The following ARPC3 variants were observed in gnomAD, a reference collection of about 807,000 sequenced individuals.
ARPC3 encodes actin-related protein 2/3 complex subunit 3.
A neutral mutation model predicts 27.6 loss-of-function variants in ARPC3; 12 were observed. The observed-to-expected ratio is 0.43, with a 90% confidence interval of 0.28 to 0.70. The LOEUF is 0.70. Ranked by LOEUF, ARPC3 falls within the 30% of genes least tolerant of loss-of-function variation. The pLI, the probability that ARPC3 is intolerant of heterozygous loss-of-function variation, is 0.17. For synonymous variants in ARPC3, 53 were observed against 67.2 expected (o/e 0.79, Z 1.03); for missense variants, 153 against 207.7 (o/e 0.74, Z 1.62).
chr12:110,436,523 G>A, intron 5 of ARPC3, 34 bp downstream of exon 5: 1 of 1,613,360 alleles, frequency 6.2e-7, no homozygotes, highest in South Asian at 1.1e-5. Flanking sequence ...AAATCTTCTT[G>A]TGTCACAGAG....
In ARPC3 at chr12:110,436,699, T is replaced by TATATATATATACACACACACACACA; in HGVS notation, c.253-17_253-16insTGTGTGTGTGTGTGTATATATATAT. The TATATATATATACACACACACACACA allele has an allele frequency of 1.6e-6, 1 of 633,902 alleles. No individual in the cohort carries two copies. Among genetic ancestry groups the TATATATATATACACACACACACACA allele is most frequent in the Non-Finnish European group, 2.5e-6 (1 of 403,988 alleles). The allele number at this position is 633,902 out of a possible 1,614,324, so 39.3% of individuals were successfully genotyped here. On this transcript the variant is annotated splice_polypyrimidine_tract_variant and intron_variant, in intron 4 of 6. Transcript: ENST00000228825. ...TGGAATTGCACTGGAAAAAAAAATA[T>TATATATATATACACACACACACACA]ATATATATATATACACACACACACA...
chr12:110,436,176 T>A lies in ARPC3; in HGVS notation c.408A>T (p.Leu136=), dbSNP rs746040046. The A allele has an allele frequency of 1.9e-6, 3 of 1,613,742 alleles. No individual in the cohort carries two copies. In the East Asian group the frequency reaches 6.7e-5, roughly 36 times the overall value. ...DEVMRAYLQQ[L]RQETGLRLCE... The stretch of plus-strand genomic sequence containing the variant: ...AAAGTCTCAGTCCAGTCTCTTGCCT[T>A]AGCTGTTGTAAATAGGCTCTCATCA... Residue 136 remains leucine, a synonymous_variant, in exon 6 of 7, where the codon CTA becomes CTT. Coordinates refer to ENST00000228825, the MANE Select transcript of ARPC3 (RefSeq NM_001278556.2).
At position 110,450,300 on chromosome 12, in the gene ARPC3, CAG is replaced by C; in HGVS notation, c.-42_-41del. ...GGTTTCAACCCAGAGGAGCAGGATC[CAG>C]GTACAGCGGAGCGCTTCCGGTCTGG... On this transcript the variant is annotated 5_prime_UTR_variant, in exon 1 of 7. Coordinates refer to ENST00000228825, the MANE Select transcript of ARPC3 (RefSeq NM_001278556.2). 1 of 1,613,788 alleles carries C rather than the reference CAG, an allele frequency of 6.2e-7. No homozygotes were observed. The highest frequency in any genetic ancestry group is 1.3e-5 in the African/African-American group (1 of 75,056).
intron 3 of ARPC3, among the ~76,000 whole-genome samples, chr12:110,437,800 G>T (rs1007396894): frequency 6.6e-6 from 1 of 152,096 alleles, no homozygotes; most frequent in African/African-American, 2.4e-5. Flanking sequence ...CCATATGGTT[G>T]GCTAATTTTT....
intron 2 of ARPC3, among the ~76,000 whole-genome samples, chr12:110,443,340 G>C (rs1468343639): frequency 6.6e-6 from 1 of 151,992 alleles, no homozygotes; most frequent in Non-Finnish European, 1.5e-5. Context: ...GGATGGTCTC[G>C]ATCTCCTGAC....
chr12:110,436,294 T>G, intron 5 of ARPC3, 90 bp from the exon 6 acceptor site: 7 of 1,145,790 alleles, frequency 6.1e-6, no homozygotes, highest in Non-Finnish European at 9.1e-6. Context: ...TGGTAATACA[T>G]TTTTATACAT....
chr12:110,436,386 T>C (rs559194473), intron 5 of ARPC3, 171 bp downstream of exon 5: 6 of 1,256,058 alleles, frequency 4.8e-6, no homozygotes, highest in Middle Eastern at 2.0e-4. Context: ...TTTCTGCATG[T>C]CATCCTTGTT....
intron 3 of ARPC3, 173 bp from the exon 4 acceptor site, chr12:110,437,325 G>A (rs929641504): frequency 5.1e-5 from 31 of 603,346 alleles, no homozygotes; most frequent in South Asian, 1.3e-4. Flanking sequence ...CTCCTTTTCC[G>A]TCTGCCCCTG....
In ARPC3 at chr12:110,440,399, C is replaced by G; in HGVS notation, c.107-11G>C. The G allele has an allele frequency of 1.9e-6, 3 of 1,592,146 alleles. No individual in the cohort carries two copies. The highest frequency in any genetic ancestry group is 2.6e-6 in the Non-Finnish European group (3 of 1,160,164). ...TATCTGTATCTTTTGCTAAGCAGGA[C>G]ACAAGGGAAGGAGCACAGAGAACAT... On this transcript the variant is annotated splice_polypyrimidine_tract_variant and intron_variant, in intron 2 of 6. Coordinates refer to ENST00000228825, the MANE Select transcript of ARPC3 (RefSeq NM_001278556.2).
At chr12:110,447,664 T>C (rs1162055196) in intron 1 of ARPC3, among the ~76,000 whole-genome samples, 1 of 152,022 alleles carries the variant, frequency 6.6e-6, no homozygotes. Context: ...TCCCAGCTAC[T>C]TGGGAGGCTG....
chr12:110,436,804 C>G, intron 4 of ARPC3, 121 bp from the exon 5 acceptor site: 1 of 868,884 alleles, frequency 1.2e-6, no homozygotes, highest in East Asian at 2.6e-5. Context: ...AGGTTAAGAA[C>G]CCTTGAGTCA....
At position 110,434,858 on chromosome 12, in the gene ARPC3, T is replaced by C. The variant is rs975016791; in HGVS notation, c.*297A>G. The C allele has an allele frequency of 5.4e-6, 3 of 553,784 alleles. No individual in the cohort carries two copies. The highest frequency in any genetic ancestry group is 9.9e-6 in the Non-Finnish European group (3 of 301,538). The allele number at this position is 553,784 out of a possible 1,614,324, so 34.3% of individuals were successfully genotyped here. On this transcript the variant is annotated 3_prime_UTR_variant, in exon 7 of 7. Transcript: ENST00000228825. ...AATGTGAATTTTATCTCAAAACAAA[T>C]TGTAAGTGAATGTCAAAGACTGGCA...
In ARPC3 at chr12:110,435,232, C is replaced by T. The variant is rs1277306553; in HGVS notation, c.475-15G>A. On this transcript the variant is annotated splice_polypyrimidine_tract_variant and intron_variant, in intron 6 of 6. Coordinates refer to ENST00000228825, the MANE Select transcript of ARPC3 (RefSeq NM_001278556.2). ...CAAGTCCACCACTAACAAGAGAGAA[C>T]AACACAGAATGAACAGCGGGGTCAA... is the stretch of plus-strand genomic sequence containing the variant. 1.0e-5 allele frequency: 16 copies of T among 1,604,244 alleles called. No homozygotes were observed. The highest frequency in any genetic ancestry group is 1.4e-5 in the Non-Finnish European group (16 of 1,171,264).
intron 2 of ARPC3, chr12:110,444,857 G>A (rs901808209): frequency 6.4e-6 from 1 of 156,354 alleles, no homozygotes; most frequent in Non-Finnish European, 1.4e-5. Context: ...GCAGGGTACA[G>A]GGAAACCATG....
At chr12:110,446,303 T>TC (rs2062464406) in intron 1 of ARPC3, among the ~76,000 whole-genome samples, 1 of 149,082 alleles carries the variant, frequency 6.7e-6, no homozygotes. Flanking sequence ...CCTAATTTTT[T>TC]TTTTTTTTTT....
chr12:110,440,373 A>G lies in ARPC3; in HGVS notation c.122T>C (p.Ile41Thr), dbSNP rs750845957. 10 of 1,610,486 alleles carry G rather than the reference A, an allele frequency of 6.2e-6. No homozygotes were observed. Among genetic ancestry groups the G allele is most frequent in the Non-Finnish European group, 8.5e-6 (10 of 1,176,844 alleles). Residue 41 changes from isoleucine to threonine, a missense_variant, in exon 3 of 7, where the codon ATT becomes ACT. Physicochemically the swap from Ile to Thr is moderately conservative, Grantham distance 89. Coordinates refer to ENST00000228825, the MANE Select transcript of ARPC3 (RefSeq NM_001278556.2). The part of the protein sequence containing the change: ...PAPRETKDTD[I>T]VDEAIYYFKA... ...GAAGTAATAGATGGCTTCATCCACA[A>G]TATCTGTATCTTTTGCTAAGCAGGA...
chr12:110,444,459 A>T (rs2062453915), intron 2 of ARPC3, among the ~76,000 whole-genome samples: 1 of 151,668 alleles, frequency 6.6e-6, no homozygotes, highest in Non-Finnish European at 1.5e-5. Flanking sequence ...TAATTTTTGT[A>T]TTTTTAGTAG....
At chr12:110,436,312 G>T in intron 5 of ARPC3, 108 bp from the exon 6 acceptor site, 1 of 1,110,250 alleles carries the variant, frequency 9.0e-7, no homozygotes, top group Admixed American at 2.0e-5. Context: ...CATTTGAACA[G>T]GATACAAAAT....
chr12:110,449,415 A>G (rs1394455203), intron 1 of ARPC3, among the ~76,000 whole-genome samples: 3 of 151,944 alleles, frequency 2.0e-5, no homozygotes, highest in African/African-American at 4.8e-5. Context: ...GCAAAAAATT[A>G]GCTGGGCGTG....
Sources: allele counts gnomAD v4.1 joint callset (sites outside exome capture counted in the v4.1 genomes callset), GRCh38; gene constraint gnomAD v4.1.1; transcripts MANE v1.5; gene names NCBI Gene and HGNC (gene_info 2026-07-23, HGNC 2026-07-21).